The following HERC3 variants were observed in gnomAD, a reference collection of about 807,000 sequenced individuals.
HERC3 encodes the protein HECT and RLD domain containing E3 ubiquitin protein ligase 3, also known as probable E3 ubiquitin-protein ligase HERC3.
In HERC3, 58 loss-of-function variants were observed where a neutral mutation model predicts 129.9. That is an observed-to-expected ratio of 0.45 (90% confidence interval 0.36 to 0.56). HERC3 has a LOEUF of 0.56. Among genes scored for constraint, HERC3 ranks in the 20% least tolerant of loss-of-function variants. HERC3 has a pLI of 0.00. For missense variants in HERC3, 835 were observed against 1,244.2 expected (o/e 0.67, Z 4.95); for synonymous variants, 430 against 451.0 (o/e 0.95, Z 0.59).
intron 24 of HERC3, 74 bp downstream of exon 24, chr4:88,704,355 C>T (rs1735581295): frequency 1.4e-6 from 2 of 1,480,488 alleles, no homozygotes; most frequent in South Asian, 1.2e-5. Context: ...TTCCCAGAGC[C>T]TGGTCTCGTT....
At chr4:88,685,412 C>G (rs1298487443) in intron 21 of HERC3, among the ~76,000 whole-genome samples, 1 of 152,140 alleles carries the variant, frequency 6.6e-6, no homozygotes, top group Middle Eastern at 3.2e-3. Context: ...GAATACTATG[C>G]AGCCATAAAA....
At chr4:88,704,384 A>T (rs1459919920) in intron 24 of HERC3, 103 bp downstream of exon 24, 4 of 1,313,616 alleles carry the variant, frequency 3.0e-6, no homozygotes, top group Admixed American at 1.8e-5. Context: ...ACTGTGGTTG[A>T]GTTAGATTTA....
At chr4:88,546,136 C>A in the HERC3 span, among the ~76,000 whole-genome samples, 1 of 152,128 alleles carries the variant, frequency 6.6e-6, no homozygotes, top group East Asian at 1.9e-4. Context: ...AATTTTTGAA[C>A]TAGAGATACT....
At chr4:88,677,606 G>A (rs1020228324) in intron 18 of HERC3, among the ~76,000 whole-genome samples, 2 of 152,062 alleles carry the variant, frequency 1.3e-5, no homozygotes, top group African/African-American at 2.4e-5. Context: ...TTAACAAGTG[G>A]TTATTAGCTT....
At chr4:88,559,504 G>GTT in the HERC3 span, among the ~76,000 whole-genome samples, 2 of 152,206 alleles carry the variant, frequency 1.3e-5, no homozygotes, top group East Asian at 3.9e-4. Context: ...GTTTTGTTTT[G>GTT]TTTTTACAGA....
the HERC3 span, among the ~76,000 whole-genome samples, chr4:88,555,808 G>A: frequency 2.0e-5 from 3 of 152,166 alleles, no homozygotes; most frequent in African/African-American, 7.2e-5. Context: ...AGTTTGATAC[G>A]ATGAGAATGA....
At chr4:88,595,043 A>C (rs1417684018) in intron 1 of HERC3, among the ~76,000 whole-genome samples, 3 of 140,024 alleles carry the variant, frequency 2.1e-5, no homozygotes, top group Admixed American at 7.9e-5. Context: ...CAGAGGTTGC[A>C]GTGAGCCGAG....
At chr4:88,537,777 G>A in the HERC3 span, among the ~76,000 whole-genome samples, 1 of 152,230 alleles carries the variant, frequency 6.6e-6, no homozygotes, top group South Asian at 2.1e-4. Flanking sequence ...TGCTTTAGCT[G>A]CAAAATTATT....
chr4:88,690,145 AC>A (rs1733924136), intron 23 of HERC3: 4 of 985,232 alleles, frequency 4.1e-6, no homozygotes, highest in Non-Finnish European at 4.8e-6. Flanking sequence ...TGCAATCAAA[AC>A]CCTTGATAAG....
At chr4:88,703,809 G>A (rs1415783563) in intron 23 of HERC3, among the ~76,000 whole-genome samples, 2 of 152,098 alleles carry the variant, frequency 1.3e-5, no homozygotes, top group Non-Finnish European at 1.5e-5. Context: ...ATGAAAACTG[G>A]AATACCTCAG....
upstream of HERC3, among the ~76,000 whole-genome samples, chr4:88,588,462 G>A (rs1015654982): frequency 6.6e-5 from 10 of 152,202 alleles, no homozygotes; most frequent in African/African-American, 1.9e-4. Context: ...TCTTTTGGAC[G>A]TGGGGGACCA....
At chr4:88,561,367 A>T in the HERC3 span, among the ~76,000 whole-genome samples, 1 of 152,080 alleles carries the variant, frequency 6.6e-6, no homozygotes, top group Non-Finnish European at 1.5e-5. Flanking sequence ...TATTTAATTT[A>T]AAAAAATTTT....
chr4:88,558,992 T>C, the HERC3 span, among the ~76,000 whole-genome samples: 1 of 151,608 alleles, frequency 6.6e-6, no homozygotes, highest in African/African-American at 2.4e-5. Context: ...AAAATTCTCA[T>C]TGAGAGATTC....
the HERC3 span, among the ~76,000 whole-genome samples, chr4:88,570,923 T>C: frequency 6.9e-6 from 1 of 145,814 alleles, no homozygotes; most frequent in Admixed American, 6.6e-5. Context: ...CCAGCTAATT[T>C]TTTTTTGTAT....
chr4:88,534,305 G>C, the HERC3 span, among the ~76,000 whole-genome samples: 1 of 152,190 alleles, frequency 6.6e-6, no homozygotes, highest in African/African-American at 2.4e-5. Context: ...AACTGGGGTG[G>C]TGCTCCTGGG....
chr4:88,550,487 G>A, the HERC3 span, among the ~76,000 whole-genome samples: 4 of 150,524 alleles, frequency 2.7e-5, no homozygotes, highest in African/African-American at 9.8e-5. Flanking sequence ...TTATACACCA[G>A]TAACAGACAA....
chr4:88,577,210 G>A, the HERC3 span, among the ~76,000 whole-genome samples: 22,487 of 152,092 alleles, frequency 0.15, 3,432 homozygotes, highest in African/African-American at 0.39. Context: ...TTGGTTCAAG[G>A]TCCTTTAGAC....
chr4:88,688,163 A>G (rs1391994195), intron 23 of HERC3, among the ~76,000 whole-genome samples: 1 of 152,224 alleles, frequency 6.6e-6, no homozygotes, highest in Admixed American at 6.5e-5. Flanking sequence ...ATCAGACACT[A>G]AAGAATGCAA....
At chr4:88,656,884 T>G (rs1478696705) in intron 9 of HERC3, 1 of 152,202 alleles carries the variant, frequency 6.6e-6, no homozygotes, top group Non-Finnish European at 1.5e-5. Flanking sequence ...TCACATAGAT[T>G]CTGGAGGCAG....
Sources: allele counts gnomAD v4.1 joint callset (sites outside exome capture counted in the v4.1 genomes callset), GRCh38; gene constraint gnomAD v4.1.1; transcripts MANE v1.5; gene names NCBI Gene and HGNC (gene_info 2026-07-23, HGNC 2026-07-21).